Variants in R3HCC1L observed in about 807,000 individuals in gnomAD.
R3HCC1L encodes the protein coiled-coil domain-containing protein R3HCC1L.
R3HCC1L carries 51 observed loss-of-function variants against 59.9 expected under a neutral mutation model. The observed-to-expected ratio is 0.85, with a 90% CI of 0.68 to 1.07. R3HCC1L has a LOEUF of 1.07. Among genes scored for constraint, R3HCC1L ranks in the 50% least tolerant of loss-of-function variants. R3HCC1L has a pLI of 0.00. For synonymous variants in R3HCC1L, 322 were observed against 315.2 expected (o/e 1.02, Z -0.23); for missense variants, 965 against 933.0 (o/e 1.03, Z -0.45).
intron 4 of R3HCC1L, among the ~76,000 whole-genome samples, chr10:98,187,024 G>T (rs1590623097): frequency 6.6e-6 from 1 of 152,032 alleles, no homozygotes; most frequent in South Asian, 2.1e-4. Context: ...ACCTTGAAGA[G>T]TTGTTACAAA....
chr10:98,211,224 C>A lies in R3HCC1L; in HGVS notation c.1785+1325C>A, dbSNP rs1345759846. On this transcript the variant is annotated intron_variant, in intron 5 of 9. Coordinates refer to ENST00000298999, the MANE Select transcript of R3HCC1L (RefSeq NM_001351015.2). ...TGATTTCCAAAGTATGGTCCCTAGA[C>A]CAGCAGCATGAGTATCACCTAGGAA... The A allele has an allele frequency of 2.1e-5, 18 of 850,250 alleles. No homozygotes were observed. The African/African-American group carries it at 2.9e-4, about 14-fold the overall frequency. 52.7% of individuals were successfully genotyped at this position (850,250 alleles called of 1,614,324 possible). A position where few individuals can be genotyped will look rare whatever the true frequency, so the allele number is the denominator to read the frequency against.
chr10:98,150,157 A>C (rs1846004814), intron 1 of R3HCC1L, among the ~76,000 whole-genome samples: 1 of 152,012 alleles, frequency 6.6e-6, no homozygotes, highest in African/African-American at 2.4e-5. Flanking sequence ...TACTATTTCA[A>C]TCTCTTTGTT....
intron 1 of R3HCC1L, among the ~76,000 whole-genome samples, chr10:98,139,728 T>C (rs1036373805): frequency 1.3e-5 from 2 of 152,200 alleles, no homozygotes; most frequent in Non-Finnish European, 2.9e-5. Flanking sequence ...TAATAAAACA[T>C]GGACCAATTG....
intron 1 of R3HCC1L, among the ~76,000 whole-genome samples, chr10:98,151,568 T>C (rs905177841): frequency 1.3e-5 from 2 of 152,230 alleles, no homozygotes; most frequent in African/African-American, 4.8e-5. Context: ...TATATAATTA[T>C]GTCGCATGCT....
intron 1 of R3HCC1L, among the ~76,000 whole-genome samples, chr10:98,145,993 C>G (rs779399658): frequency 3.3e-5 from 5 of 152,258 alleles, no homozygotes; most frequent in Non-Finnish European, 7.4e-5. Flanking sequence ...GGTCATATCC[C>G]TTGTCCCCAA....
chr10:98,183,416 T>C (rs1849862947), intron 4 of R3HCC1L, among the ~76,000 whole-genome samples: 1 of 151,878 alleles, frequency 6.6e-6, no homozygotes. Context: ...GAATATAATG[T>C]GTCTAATTGT....
intron 1 of R3HCC1L, among the ~76,000 whole-genome samples, chr10:98,155,141 C>T (rs1310053887): frequency 1.3e-5 from 2 of 151,990 alleles, no homozygotes; most frequent in Non-Finnish European, 2.9e-5. Flanking sequence ...TTTTTTTGGC[C>T]AATGTTTTTA....
chr10:98,221,354 C>G (rs1260436509), intron 5 of R3HCC1L, among the ~76,000 whole-genome samples: 2 of 148,678 alleles, frequency 1.3e-5, no homozygotes, highest in East Asian at 2.0e-4. Context: ...ATGGTAGTTT[C>G]TTTTGCTGTG....
intron 4 of R3HCC1L, among the ~76,000 whole-genome samples, chr10:98,203,240 C>G (rs1292446443): frequency 6.6e-6 from 1 of 151,920 alleles, no homozygotes; most frequent in Non-Finnish European, 1.5e-5. Context: ...AGGAAAAAAA[C>G]TGCATGTGTG....
chr10:98,152,404 C>A (rs988336852), intron 1 of R3HCC1L, among the ~76,000 whole-genome samples: 2 of 150,190 alleles, frequency 1.3e-5, no homozygotes, highest in African/African-American at 4.9e-5. Context: ...GCGTCTCTGC[C>A]TGGCCGCCCA....
Position 98,209,212 on chromosome 10 carries a change from GA to G in R3HCC1L, c.1100del (p.Asn367MetfsTer2). The G allele has an allele frequency of 1.2e-6, 2 of 1,613,778 alleles. No individual in the cohort carries two copies. The highest frequency in any genetic ancestry group is 1.7e-6 in the Non-Finnish European group (2 of 1,179,990). The part of the protein sequence containing the change: ...HETHRDSGFK[N>X]VGDITNKACM... ...AAACACATAGAGATAGTGGATTTAA[GA>G]ATGTAGGTGACATTACCAATAAAGC... On this transcript the variant is annotated frameshift_variant, in exon 5 of 10. Transcript: ENST00000298999. LOFTEE classifies it high-confidence loss of function.
intron 1 of R3HCC1L, among the ~76,000 whole-genome samples, chr10:98,142,600 T>G (rs1201890568): frequency 6.6e-6 from 1 of 151,088 alleles, no homozygotes; most frequent in Non-Finnish European, 1.5e-5. Context: ...ATTGCATCAC[T>G]GCACTCCAGT....
chr10:98,220,468 C>G (rs568633736), intron 5 of R3HCC1L, among the ~76,000 whole-genome samples: 159 of 147,354 alleles, frequency 1.1e-3, no homozygotes, highest in Non-Finnish European at 1.7e-3. Context: ...ATATGCCATG[C>G]TGGTGCACTG....
chr10:98,206,542 G>T (rs1428855383), intron 4 of R3HCC1L, among the ~76,000 whole-genome samples: 3 of 151,964 alleles, frequency 2.0e-5, no homozygotes, highest in Non-Finnish European at 2.9e-5. Context: ...ATAAATTGTT[G>T]AATTTCAAAG....
chr10:98,172,938 T>C (rs1482477141), intron 4 of R3HCC1L, among the ~76,000 whole-genome samples: 2 of 152,192 alleles, frequency 1.3e-5, no homozygotes, highest in Non-Finnish European at 2.9e-5. Flanking sequence ...TTTTTTTGCT[T>C]AACACTCTGG....
chr10:98,196,819 A>G (rs147510898), intron 4 of R3HCC1L, among the ~76,000 whole-genome samples: 119 of 152,260 alleles, frequency 7.8e-4, no homozygotes, highest in African/African-American at 2.3e-3. Flanking sequence ...AAACCTTCCA[A>G]TAATTCCCCA....
chr10:98,182,036 G>A lies in R3HCC1L; in HGVS notation c.-15+18639G>A, dbSNP rs190431921. ...TGTCAACTCGTCAAAGTCATTCTCC[G>A]TCCAGCTTTGTTCTGTTGCTGGCAA... On this transcript the variant is annotated intron_variant, in intron 4 of 9. Coordinates refer to ENST00000298999, the MANE Select transcript of R3HCC1L (RefSeq NM_001351015.2). 2.3e-3 allele frequency among the ~76,000 whole-genome samples: 343 copies of A among 152,158 alleles called. 2 individuals are homozygous for A. Among genetic ancestry groups the A allele is most frequent in the African/African-American group, 7.8e-3 (325 of 41,506 alleles).
At chr10:98,216,458 G>A (rs925316687) in intron 5 of R3HCC1L, among the ~76,000 whole-genome samples, 7 of 152,174 alleles carry the variant, frequency 4.6e-5, no homozygotes, top group Admixed American at 4.6e-4. Context: ...ACGCTGCAGT[G>A]AGCCAAGTCA....
chr10:98,203,955 G>C (rs550055619), intron 4 of R3HCC1L, among the ~76,000 whole-genome samples: 82 of 152,256 alleles, frequency 5.4e-4, no homozygotes, highest in Non-Finnish European at 1.1e-3. Flanking sequence ...ATCCCCTTTA[G>C]AAAGTGTGAT....
Sources: gnomAD v4.1 joint callset for allele counts (sites outside exome capture counted in the v4.1 genomes callset) on GRCh38, gnomAD v4.1.1 for gene constraint, MANE v1.5 for transcripts, NCBI Gene and HGNC (gene_info 2026-07-23, HGNC 2026-07-21) for gene names.